Variants in SLC36A1 observed in about 807,000 individuals in gnomAD.
SLC36A1 encodes proton-coupled amino acid transporter 1.
In SLC36A1, 30 loss-of-function variants were observed where a neutral mutation model predicts 47.5. That is an observed-to-expected ratio of 0.63 (90% CI 0.47 to 0.86). The LOEUF (loss-of-function observed/expected upper bound fraction) is 0.86. SLC36A1 is among the 40% of genes least tolerant of loss of function. SLC36A1 has a pLI of 0.00. For synonymous variants in SLC36A1, 255 were observed against 249.7 expected, an observed-to-expected ratio of 1.02 and a Z score of -0.20; for missense variants, 517 against 606.0, an observed-to-expected ratio of 0.85 and a Z score of 1.54.
chr5:151,502,708 G>A, the SLC36A1 span, among the ~76,000 whole-genome samples: 1 of 148,366 alleles, frequency 6.7e-6, no homozygotes, highest in Non-Finnish European at 1.5e-5. Context: ...TGGTGGGAAC[G>A]TGGAATGGTT....
At chr5:151,397,663 C>T in the SLC36A1 span, among the ~76,000 whole-genome samples, 132 of 146,870 alleles carry the variant, frequency 9.0e-4, no homozygotes, top group Non-Finnish European at 1.5e-3. Flanking sequence ...ACTGGGGAGG[C>T]TGAGGCGGGA....
intron 2 of SLC36A1, among the ~76,000 whole-genome samples, 192 bp from the exon 3 acceptor site, chr5:151,463,361 G>C (rs1005440573): frequency 6.6e-6 from 1 of 152,236 alleles, no homozygotes; most frequent in Non-Finnish European, 1.5e-5. Flanking sequence ...TCTGGAGTCA[G>C]ACTGCCCAAA....
chr5:151,477,081 C>T (rs1010151113), intron 9 of SLC36A1: 2 of 406,858 alleles, frequency 4.9e-6, no homozygotes, highest in Non-Finnish European at 9.5e-6. Flanking sequence ...GGAGGGCAAA[C>T]CTGCATTTGA....
At chr5:151,479,549 G>T in intron 10 of SLC36A1, 60 bp downstream of exon 10, 1 of 1,569,118 alleles carries the variant, frequency 6.4e-7, no homozygotes, top group Non-Finnish European at 8.7e-7. Context: ...CAGTCTGCAG[G>T]CTTTCATGAG....
At chr5:151,424,749 A>T in the SLC36A1 span, among the ~76,000 whole-genome samples, 335 of 152,158 alleles carry the variant, frequency 2.2e-3, no homozygotes, top group African/African-American at 7.6e-3. Context: ...AAATAATCTT[A>T]CAAAATTGTT....
chr5:151,458,302 G>T (rs60278106), intron 1 of SLC36A1, among the ~76,000 whole-genome samples: 9,356 of 81,984 alleles, frequency 0.11, 412 homozygotes, highest in African/African-American at 0.25. Context: ...ATACATACAC[G>T]TGTATATACG....
exon 1 of SLC36A1, chr5:151,437,164 G>A (rs906221869): frequency 3.3e-5 from 5 of 152,210 alleles, no homozygotes; most frequent in African/African-American, 9.7e-5. Flanking sequence ...CTGACAGCAA[G>A]GAAGCTGCTG....
the SLC36A1 span, among the ~76,000 whole-genome samples, chr5:151,428,631 C>T: frequency 6.6e-6 from 1 of 151,980 alleles, no homozygotes; most frequent in African/African-American, 2.4e-5. Context: ...CATTTCCTTA[C>T]TCTGCTGACT....
chr5:151,538,374 T>C, the SLC36A1 span, among the ~76,000 whole-genome samples: 2 of 152,292 alleles, frequency 1.3e-5, no homozygotes, highest in Admixed American at 6.5e-5. Context: ...CAACCTCCCC[T>C]GCCTCTGTGG....
chr5:151,458,338 T>G (rs1279020649), intron 1 of SLC36A1, among the ~76,000 whole-genome samples: 1 of 93,126 alleles, frequency 1.1e-5, no homozygotes, highest in Admixed American at 9.7e-5. Context: ...ATATATGGGA[T>G]ATTTATATAT....
intron 9 of SLC36A1, among the ~76,000 whole-genome samples, chr5:151,478,356 G>A (rs1345819117): frequency 6.6e-6 from 1 of 152,190 alleles, no homozygotes; most frequent in African/African-American, 2.4e-5. Flanking sequence ...ATCACAGACT[G>A]TTTTCCTACT....
chr5:151,544,751 A>T, the SLC36A1 span: 2 of 1,614,060 alleles, frequency 1.2e-6, no homozygotes. Context: ...TTCTTGAGTG[A>T]TATGTCCCCA....
the SLC36A1 span, chr5:151,537,879 G>T: frequency 3.1e-6 from 5 of 1,614,196 alleles, no homozygotes; most frequent in East Asian, 8.9e-5. Context: ...GTCCAAGTCT[G>T]TGGCAGAAAC....
chr5:151,506,958 A>G, the SLC36A1 span, among the ~76,000 whole-genome samples: 95,854 of 152,164 alleles, frequency 0.63, 33,007 homozygotes, highest in South Asian at 0.85. Context: ...AAAGGAGTGC[A>G]ATAGAATGAG....
chr5:151,510,660 C>T, the SLC36A1 span: 1 of 151,394 alleles, frequency 6.6e-6, no homozygotes, highest in African/African-American at 2.4e-5. Context: ...ATCAGTATCT[C>T]AGTAATTATA....
chr5:151,383,449 T>C, the SLC36A1 span, among the ~76,000 whole-genome samples: 3 of 152,156 alleles, frequency 2.0e-5, no homozygotes, highest in African/African-American at 4.8e-5. Context: ...TACTCTAGGA[T>C]TGGCCAAAGA....
the SLC36A1 span, among the ~76,000 whole-genome samples, chr5:151,405,542 C>A: frequency 6.6e-6 from 1 of 151,838 alleles, no homozygotes; most frequent in Non-Finnish European, 1.5e-5. Context: ...GCTTTCTTGC[C>A]GTTCTATATC....
At chr5:151,463,387 A>G (rs1755851246) in intron 2 of SLC36A1, among the ~76,000 whole-genome samples, 166 bp from the exon 3 acceptor site, 1 of 152,236 alleles carries the variant, frequency 6.6e-6, no homozygotes, top group Non-Finnish European at 1.5e-5. Context: ...ATCCTGCCCC[A>G]GCCCTTTACT....
At chr5:151,427,236 T>C in the SLC36A1 span, among the ~76,000 whole-genome samples, 9 of 152,234 alleles carry the variant, frequency 5.9e-5, no homozygotes, top group Non-Finnish European at 7.3e-5. Flanking sequence ...GGATATATTA[T>C]ACATATTACA....
Sources: gnomAD v4.1 joint callset for allele counts (sites outside exome capture counted in the v4.1 genomes callset) on GRCh38, gnomAD v4.1.1 for gene constraint, MANE v1.5 for transcripts, NCBI Gene and HGNC (gene_info 2026-07-23, HGNC 2026-07-21) for gene names.